The following UBE2E2 variants were observed in gnomAD, a reference collection of about 807,000 sequenced individuals.
UBE2E2 encodes the protein ubiquitin conjugating enzyme E2 E2.
In UBE2E2, 6 loss-of-function variants were observed where a neutral mutation model predicts 24.7. The observed-to-expected ratio is 0.24, with a 90% CI of 0.13 to 0.48. UBE2E2 has a LOEUF of 0.48. Ranked by LOEUF, UBE2E2 falls within the 20% of genes least tolerant of loss-of-function variation. The pLI is 0.99. For synonymous variants in UBE2E2, 104 were observed against 83.6 expected (o/e 1.24, Z -1.33); for missense variants, 169 against 245.0 (o/e 0.69, Z 2.07).
intron 5 of UBE2E2, among the ~76,000 whole-genome samples, chr3:23,560,263 G>A (rs1451165863): frequency 7.9e-6 from 1 of 126,462 alleles, no homozygotes; most frequent in African/African-American, 3.1e-5. Flanking sequence ...TCCCCTTCCT[G>A]TGTCCATGTG....
intron 3 of UBE2E2, among the ~76,000 whole-genome samples, chr3:23,437,062 C>T (rs556713214): frequency 5.3e-5 from 8 of 152,328 alleles, no homozygotes; most frequent in African/African-American, 1.9e-4. Context: ...ACAGGCCATA[C>T]GTGAGCTGGC....
chr3:23,376,082 T>A (rs1364999736), intron 3 of UBE2E2, among the ~76,000 whole-genome samples: 1 of 152,230 alleles, frequency 6.6e-6, no homozygotes, highest in African/African-American at 2.4e-5. Context: ...AGGAGTTGTT[T>A]ATACAAAGGA....
rs141761669 is a variant in UBE2E2, at chr3:23,256,261, A to G, written c.227+38949A>G. ...CTGAAGTTAATAGGATTGTATTTAT[A>G]GTCTCATCATGATATTTCTAATTAA... On this transcript the variant is annotated intron_variant, in intron 3 of 5. Coordinates refer to ENST00000396703, the MANE Select transcript of UBE2E2 (RefSeq NM_152653.4). 9.8e-5 allele frequency among the ~76,000 whole-genome samples: 15 copies of G among 152,350 alleles called. No homozygotes were observed. The East Asian group carries it at 1.9e-3, about 20-fold the overall frequency.
rs143447815 is a variant in UBE2E2 at position 23,211,594 on chromosome 3, C to A, written c.176+2719C>A. ...ATTTTTTGTAGGGATGGGAGTCTCA[C>A]TATGTTGCTCAGGCTGGTCTTGAAC... On this transcript the variant is annotated intron_variant, in intron 2 of 5. Coordinates refer to ENST00000396703, the MANE Select transcript of UBE2E2 (RefSeq NM_152653.4). Among the ~76,000 whole-genome samples the A allele has an allele frequency of 3.2e-3, 480 of 152,052 alleles. 3 individuals carry two copies. Among genetic ancestry groups the A allele is most frequent in the African/African-American group, 0.011 (456 of 41,474 alleles).
chr3:23,322,162 AC>A (rs1694755933), intron 3 of UBE2E2, among the ~76,000 whole-genome samples: 1 of 152,208 alleles, frequency 6.6e-6, no homozygotes, highest in Non-Finnish European at 1.5e-5. Context: ...AAGTTATATA[AC>A]CAAAGTCTTC....
intron 3 of UBE2E2, among the ~76,000 whole-genome samples, chr3:23,363,519 C>T (rs907565586): frequency 1.1e-4 from 17 of 152,258 alleles, no homozygotes; most frequent in African/African-American, 3.6e-4. Flanking sequence ...ACAAAATAGA[C>T]GTTAAACCAC....
At chr3:23,484,073 G>A (rs917688423) in intron 3 of UBE2E2, among the ~76,000 whole-genome samples, 3 of 151,990 alleles carry the variant, frequency 2.0e-5, no homozygotes, top group Non-Finnish European at 4.4e-5. Context: ...TCTTTATTAC[G>A]TCATTTAAGG....
chr3:23,476,683 G>T (rs988062173), intron 3 of UBE2E2, among the ~76,000 whole-genome samples: 1 of 151,994 alleles, frequency 6.6e-6, no homozygotes, highest in Admixed American at 6.5e-5. Flanking sequence ...GCAAGACCCT[G>T]TCTCAAAAAA....
chr3:23,313,449 A>G (rs759386787), intron 3 of UBE2E2, among the ~76,000 whole-genome samples: 13 of 141,536 alleles, frequency 9.2e-5, no homozygotes, highest in Non-Finnish European at 2.0e-4. Context: ...CAGTGGCGCA[A>G]TCTCAGCTTA....
intron 4 of UBE2E2, among the ~76,000 whole-genome samples, chr3:23,528,421 A>T (rs933317326): frequency 6.6e-6 from 1 of 152,214 alleles, no homozygotes; most frequent in East Asian, 1.9e-4. Flanking sequence ...GTACACTCTG[A>T]AAAGATGAGG....
intron 3 of UBE2E2, among the ~76,000 whole-genome samples, chr3:23,365,608 C>A (rs1559362928): frequency 1.3e-5 from 2 of 152,004 alleles, no homozygotes; most frequent in Admixed American, 6.6e-5. Flanking sequence ...TGCCCAAAGA[C>A]ATCATAGGTG....
chr3:23,550,002 C>G (rs1250883573), intron 5 of UBE2E2, among the ~76,000 whole-genome samples: 1 of 148,242 alleles, frequency 6.7e-6, no homozygotes, highest in African/African-American at 2.5e-5. Flanking sequence ...CATTGCACTC[C>G]AGCCTGGGTA....
intron 3 of UBE2E2, chr3:23,273,846 T>A (rs1698314314): frequency 1.3e-5 from 2 of 152,572 alleles, no homozygotes; most frequent in South Asian, 4.1e-4. Context: ...AACCAACTGA[T>A]CACAGCCAGT....
At chr3:23,299,121 G>A (rs936674892) in intron 3 of UBE2E2, among the ~76,000 whole-genome samples, 1 of 152,128 alleles carries the variant, frequency 6.6e-6, no homozygotes, top group African/African-American at 2.4e-5. Context: ...ATTTCTGTGG[G>A]ATCAGTGTTG....
intron 3 of UBE2E2, among the ~76,000 whole-genome samples, chr3:23,242,726 T>G (rs142359133): frequency 6.6e-6 from 1 of 152,318 alleles, no homozygotes; most frequent in Non-Finnish European, 1.5e-5. Context: ...ATTAAGTTAG[T>G]AAATTGGGTA....
chr3:23,419,771 G>T (rs1308663907), intron 3 of UBE2E2, among the ~76,000 whole-genome samples: 2 of 152,126 alleles, frequency 1.3e-5, no homozygotes. Flanking sequence ...TTAAATGAAT[G>T]AATGAGTCTT....
At chr3:23,511,388 G>T (rs923718822) in intron 4 of UBE2E2, among the ~76,000 whole-genome samples, 3 of 152,224 alleles carry the variant, frequency 2.0e-5, no homozygotes, top group African/African-American at 7.2e-5. Context: ...GGACTCTCTG[G>T]TTTCTGATCT....
intron 3 of UBE2E2, among the ~76,000 whole-genome samples, chr3:23,437,648 T>G (rs557050107): frequency 1.3e-5 from 2 of 152,314 alleles, no homozygotes; most frequent in East Asian, 3.9e-4. Flanking sequence ...ATGAACACTT[T>G]CCTTGTGACA....
intron 3 of UBE2E2, among the ~76,000 whole-genome samples, chr3:23,399,504 G>T (rs183458210): frequency 7.2e-5 from 11 of 152,252 alleles, no homozygotes; most frequent in African/African-American, 2.6e-4. Context: ...GTGCAGTTAG[G>T]TTGGTACAAA....
Sources: gnomAD v4.1 joint callset for allele counts (sites outside exome capture counted in the v4.1 genomes callset) on GRCh38, gnomAD v4.1.1 for gene constraint, MANE v1.5 for transcripts, NCBI Gene and HGNC (gene_info 2026-07-23, HGNC 2026-07-21) for gene names.